Variants in DNM1L observed in about 807,000 individuals in gnomAD.
DNM1L encodes dynamin 1L, also known as dynamin-1-like protein.
DNM1L carries 33 observed loss-of-function variants against 92.8 expected under a neutral mutation model. The ratio of observed to expected loss-of-function variants is 0.36; its 90% CI spans 0.27 to 0.48. The LOEUF (loss-of-function observed/expected upper bound fraction) is 0.48, where lower values mean the gene tolerates loss of function less well. Among genes scored for constraint, DNM1L ranks in the 20% least tolerant of loss-of-function variants. The pLI is 0.99. For synonymous variants in DNM1L, 284 were observed against 305.0 expected (o/e 0.93, Z 0.72); for missense variants, 485 against 888.8 (o/e 0.55, Z 5.78).
chr12:32,720,903 A>G, intron 8 of DNM1L, 108 bp downstream of exon 8: 1 of 1,431,816 alleles, frequency 7.0e-7, no homozygotes, highest in Non-Finnish European at 9.7e-7. Flanking sequence ...TAACAGCTTC[A>G]CTTATGGTTT....
At chr12:32,697,747 A>G (rs1952527195) in intron 1 of DNM1L, among the ~76,000 whole-genome samples, 2 of 152,124 alleles carry the variant, frequency 1.3e-5, no homozygotes, top group African/African-American at 2.4e-5. Context: ...TTTAAAGAAC[A>G]GATAAACCCT....
chr12:32,738,017 T>C, intron 15 of DNM1L, 75 bp downstream of exon 15: 1 of 1,469,958 alleles, frequency 6.8e-7, no homozygotes, highest in Non-Finnish European at 9.5e-7. Flanking sequence ...AACAATACAC[T>C]GAATAGAAGA....
chr12:32,717,875 C>G (rs1425106960), intron 6 of DNM1L, among the ~76,000 whole-genome samples: 1 of 104,434 alleles, frequency 9.6e-6, no homozygotes, highest in Non-Finnish European at 1.8e-5. Context: ...ATAGTATATA[C>G]TATATATATT....
At chr12:32,717,166 C>A (rs1403558260) in intron 6 of DNM1L, among the ~76,000 whole-genome samples, 3 of 113,642 alleles carry the variant, frequency 2.6e-5, no homozygotes, top group Admixed American at 1.2e-4. Flanking sequence ...AATATATATA[C>A]TATAAAATAT....
At chr12:32,742,980 C>G (rs1044819841) in intron 19 of DNM1L, among the ~76,000 whole-genome samples, 3 of 149,068 alleles carry the variant, frequency 2.0e-5, no homozygotes, top group African/African-American at 7.5e-5. Flanking sequence ...ACTGCAAGCG[C>G]CGCCTCCCAG....
intron 1 of DNM1L, 85 bp from the exon 2 acceptor site, chr12:32,701,330 A>G (rs372531572): frequency 2.4e-5 from 29 of 1,189,104 alleles, no homozygotes; most frequent in Middle Eastern, 4.5e-4. Flanking sequence ...ATAATTCTGT[A>G]TGCTGGTTTG....
chr12:32,684,848 A>G (rs1340503521), intron 1 of DNM1L, among the ~76,000 whole-genome samples: 3 of 152,172 alleles, frequency 2.0e-5, no homozygotes, highest in Non-Finnish European at 4.4e-5. Context: ...TTATTCATCA[A>G]TTGATGAATT....
intron 2 of DNM1L, among the ~76,000 whole-genome samples, chr12:32,702,539 T>C (rs1952756802): frequency 6.6e-6 from 1 of 152,214 alleles, no homozygotes; most frequent in African/African-American, 2.4e-5. Context: ...GTTTCTTATC[T>C]GCAGAGATCT....
At chr12:32,696,600 TAAA>T (rs5797485) in intron 1 of DNM1L, among the ~76,000 whole-genome samples, 1 of 141,228 alleles carries the variant, frequency 7.1e-6, no homozygotes, top group Non-Finnish European at 1.6e-5. Flanking sequence ...ACAGTGTCTC[TAAA>T]AAAAAAAAAG....
At chr12:32,740,646 A>T (rs1955224557) in intron 18 of DNM1L, 128 bp downstream of exon 18, 1 of 831,588 alleles carries the variant, frequency 1.2e-6, no homozygotes, top group African/African-American at 1.7e-5. Flanking sequence ...ATTTTCTGAT[A>T]GTCCTTGGGT....
At chr12:32,712,326 C>G (rs529948190) in intron 5 of DNM1L, among the ~76,000 whole-genome samples, 1 of 152,086 alleles carries the variant, frequency 6.6e-6, no homozygotes, top group Admixed American at 6.6e-5. Flanking sequence ...CAGCCTCCTG[C>G]CCTTATTGTT....
At position 32,717,833 on chromosome 12, in the gene DNM1L, T is replaced by TAAA; in HGVS notation, c.620-809_620-808insAAA. Reference sequence around the variant, plus strand: ...TATATACTATAAAATATATATAGTATATACTATATATATTTTATAAATATA... The same window carrying TAAA: ...TATATACTATAAAATATATATAGTATAAAATACTATATATATTTTATAAATATA... On this transcript the variant is annotated intron_variant, in intron 6 of 19. Coordinates refer to ENST00000549701, the MANE Select transcript of DNM1L (RefSeq NM_012062.5). 1.8e-5 allele frequency among the ~76,000 whole-genome samples: 2 copies of TAAA among 110,710 alleles called. 1 individual carries two copies. The highest frequency in any genetic ancestry group is 3.4e-5 in the Non-Finnish European group (2 of 58,758). The allele number at this position is 110,710 out of a possible 152,430, so 72.6% of individuals were successfully genotyped here. A position where few individuals can be genotyped will look rare whatever the true frequency, so the allele number is the denominator to read the frequency against.
In DNM1L at chr12:32,739,845, G is replaced by T. The variant is rs533555834; in HGVS notation, c.1708-219G>T. On this transcript the variant is annotated intron_variant, in intron 16 of 19. Coordinates refer to ENST00000549701, the MANE Select transcript of DNM1L (RefSeq NM_012062.5). ...TTAAATAGAACATAAGTTGGTTGAT[G>T]CCTTGCAAACAACTTAGAGCAGAAC... 7.8e-5 allele frequency: 44 copies of T among 565,380 alleles called. 1 individual carries two copies. In the South Asian group the frequency reaches 9.3e-4, roughly 12 times the overall value. 35.0% of individuals were successfully genotyped at this position (565,380 alleles called of 1,614,324 possible).
chr12:32,699,190 GGA>G (rs958301175), intron 1 of DNM1L, among the ~76,000 whole-genome samples: 1 of 152,236 alleles, frequency 6.6e-6, no homozygotes, highest in African/African-American at 2.4e-5. Context: ...GTACATGTAA[GGA>G]GAGAGAGACA....
rs746339501 is a variant in DNM1L at position 32,731,952 on chromosome 12, C to T, written c.1446+9C>T. On this transcript the variant is annotated intron_variant, in intron 12 of 19. Transcript: ENST00000549701. This position sits in a 1 kb window ranked among gnomAD's most constrained non-coding sequence, Gnocchi z 5.1. Reference sequence around the variant, plus strand: ...CTGTTACAAATGAAATGGTGAGCTACTATAGCATAGATCATTGTAATTACT... The same window carrying T: ...CTGTTACAAATGAAATGGTGAGCTATTATAGCATAGATCATTGTAATTACT... 1 of 1,600,450 alleles carries T rather than the reference C, an allele frequency of 6.2e-7. No individual in the cohort carries two copies. The highest frequency in any genetic ancestry group is 8.6e-7 in the Non-Finnish European group (1 of 1,167,856).
chr12:32,738,796 TTAAA>T (rs1412919024), intron 16 of DNM1L, among the ~76,000 whole-genome samples: 2 of 152,146 alleles, frequency 1.3e-5, no homozygotes, highest in African/African-American at 2.4e-5. Flanking sequence ...TAGAGGAAAA[TTAAA>T]TAATGTATAA....
At chr12:32,730,441 G>A (rs1247879041) in intron 9 of DNM1L, among the ~76,000 whole-genome samples, 1 of 152,250 alleles carries the variant, frequency 6.6e-6, no homozygotes, top group East Asian at 1.9e-4. Flanking sequence ...GGTGGCTCAC[G>A]CCTGTGATCC....
Position 32,740,229 on chromosome 12 carries a change from C to T in DNM1L, c.1873C>T (p.Leu625=), listed in dbSNP as rs1311708144. ...TCCACAAAAAGGTCATGCCGTGAAC[C>T]TGCTAGATGTGGTAAGCCATGACAA... ...ASPQKGHAVN[L]LDVPVPVARK... Residue 625 remains leucine, a synonymous_variant, in exon 17 of 20, where the codon CTG becomes TTG. Coordinates refer to ENST00000549701, the MANE Select transcript of DNM1L (RefSeq NM_012062.5). 1.2e-6 allele frequency: 2 copies of T among 1,614,002 alleles called. No individual in the cohort carries two copies. The highest frequency in any genetic ancestry group is 1.3e-5 in the African/African-American group (1 of 74,900).
At chr12:32,736,867 C>G in intron 13 of DNM1L, 1 of 493,754 alleles carries the variant, frequency 2.0e-6, no homozygotes, top group Admixed American at 3.2e-5. Context: ...CAGGGAGCCA[C>G]TGTTACTGAC....
Sources: gnomAD v4.1 joint callset for allele counts (sites outside exome capture counted in the v4.1 genomes callset) on GRCh38, gnomAD v4.1.1 for gene constraint, Gnocchi (gnomAD v3.1) non-coding constraint, MANE v1.5 for transcripts, NCBI Gene and HGNC (gene_info 2026-07-23, HGNC 2026-07-21) for gene names.